The following LRRC4C variants were observed in gnomAD, a reference collection of about 807,000 sequenced individuals.
LRRC4C encodes leucine rich repeat containing 4C.
A neutral mutation model predicts 33.6 loss-of-function variants in LRRC4C; 5 were observed. That is an observed-to-expected ratio of 0.15 (90% CI 0.08 to 0.31). The LOEUF is 0.31. Ranked by LOEUF, LRRC4C falls within the 10% of genes least tolerant of loss-of-function variation. The probability of loss-of-function intolerance (pLI) is 1.00; values close to 1 mark genes in which losing one functional copy is unlikely to be tolerated. For synonymous variants in LRRC4C, 329 were observed against 302.0 expected (o/e 1.09, Z -0.93); for missense variants, 560 against 796.7 (o/e 0.70, Z 3.58).
intron 1 of LRRC4C, among the ~76,000 whole-genome samples, chr11:41,106,880 G>T (rs937482126): frequency 6.6e-6 from 1 of 151,950 alleles, no homozygotes; most frequent in Non-Finnish European, 1.5e-5. Flanking sequence ...AATAGACATG[G>T]TGGTGTTCTG....
intron 2 of LRRC4C, among the ~76,000 whole-genome samples, chr11:40,820,748 T>C (rs1951897826): frequency 6.6e-6 from 1 of 151,802 alleles, no homozygotes; most frequent in African/African-American, 2.4e-5. Flanking sequence ...ATTCTAACAT[T>C]AGAAAGAAGA....
At chr11:40,882,111 T>G (rs1295988956) in intron 2 of LRRC4C, among the ~76,000 whole-genome samples, 1 of 152,074 alleles carries the variant, frequency 6.6e-6, no homozygotes, top group African/African-American at 2.4e-5. Context: ...AAATGAGTAT[T>G]GGGAATGGCT....
chr11:41,016,035 A>G (rs188998891), intron 1 of LRRC4C, among the ~76,000 whole-genome samples: 1 of 152,246 alleles, frequency 6.6e-6, no homozygotes, highest in East Asian at 1.9e-4. Context: ...TATCAAGAAT[A>G]TGTAGCTGGA....
At chr11:40,310,115 C>G (rs1338505200) in intron 4 of LRRC4C, among the ~76,000 whole-genome samples, 1 of 152,150 alleles carries the variant, frequency 6.6e-6, no homozygotes, top group African/African-American at 2.4e-5. Context: ...CACTTCTCCA[C>G]TTATTTCCCG....
rs985597938 is a variant in LRRC4C at position 40,407,907 on chromosome 11, GATTT to G, written c.-269-88190_-269-88187del. Among the ~76,000 whole-genome samples the G allele has an allele frequency of 1.5e-3, 221 of 151,990 alleles. 1 individual carries two copies. The highest frequency in any genetic ancestry group is 5.2e-3 in the African/African-American group (216 of 41,500). On this transcript the variant is annotated intron_variant, in intron 3 of 6. Coordinates refer to ENST00000528697, the MANE Select transcript of LRRC4C (RefSeq NM_001258419.2). ...AAAGAGAATGAAAATTTTGGGGGAG[GATTT>G]ATTAAAATCACAATTTAAAATATTA...
chr11:41,401,633 A>T (rs1954029733), intron 1 of LRRC4C, among the ~76,000 whole-genome samples: 2 of 151,930 alleles, frequency 1.3e-5, no homozygotes, highest in African/African-American at 4.8e-5. Flanking sequence ...ATAATGTTTA[A>T]CCGGGAAGAG....
intron 1 of LRRC4C, among the ~76,000 whole-genome samples, chr11:41,348,070 G>A (rs1236479598): frequency 6.6e-6 from 1 of 152,104 alleles, no homozygotes; most frequent in Non-Finnish European, 1.5e-5. Flanking sequence ...CTTCCCTAAT[G>A]ACAGAACGAA....
chr11:40,376,648 A>G (rs776892820), intron 3 of LRRC4C, among the ~76,000 whole-genome samples: 5 of 152,162 alleles, frequency 3.3e-5, no homozygotes, highest in Non-Finnish European at 5.9e-5. Flanking sequence ...AAGTGAGCAG[A>G]GGAATTTGCA....
intron 3 of LRRC4C, among the ~76,000 whole-genome samples, chr11:40,504,837 C>T (rs1306459141): frequency 1.3e-5 from 2 of 152,056 alleles, no homozygotes; most frequent in African/African-American, 4.8e-5. Context: ...TGACAAGATT[C>T]GGGAATTTTC....
At chr11:40,125,898 C>T (rs1856186776) in intron 6 of LRRC4C, among the ~76,000 whole-genome samples, 1 of 152,138 alleles carries the variant, frequency 6.6e-6, no homozygotes, top group South Asian at 2.1e-4. Flanking sequence ...TTTATTTTCC[C>T]ATTTTTAACC....
chr11:40,527,167 G>A (rs1164928685), intron 3 of LRRC4C, among the ~76,000 whole-genome samples: 1 of 152,140 alleles, frequency 6.6e-6, no homozygotes, highest in Non-Finnish European at 1.5e-5. Flanking sequence ...CTAAGTATAT[G>A]AAATGTTGTG....
At chr11:40,687,447 G>A (rs1945017363) in intron 2 of LRRC4C, among the ~76,000 whole-genome samples, 1 of 151,928 alleles carries the variant, frequency 6.6e-6, no homozygotes, top group South Asian at 2.1e-4. Context: ...AGAGTGTAGT[G>A]CCTCTGATGG....
At chr11:40,674,005 C>G (rs538835779) in intron 2 of LRRC4C, among the ~76,000 whole-genome samples, 49 of 152,298 alleles carry the variant, frequency 3.2e-4, no homozygotes, top group African/African-American at 1.1e-3. Context: ...AATGCTCAGT[C>G]ATCATCTAGG....
At chr11:40,546,072 T>TTCCTA (rs1956903193) in intron 3 of LRRC4C, among the ~76,000 whole-genome samples, 2 of 116,020 alleles carry the variant, frequency 1.7e-5, no homozygotes, top group African/African-American at 8.1e-5. Flanking sequence ...CTTCCTTCCT[T>TTCCTA]CCTTCCTTCC....
chr11:40,835,639 C>T (rs1353645737), intron 2 of LRRC4C, among the ~76,000 whole-genome samples: 1 of 152,014 alleles, frequency 6.6e-6, no homozygotes, highest in Non-Finnish European at 1.5e-5. Context: ...AGGGAAATCC[C>T]AGACAATGCA....
intron 1 of LRRC4C, among the ~76,000 whole-genome samples, chr11:41,454,604 C>A (rs763994946): frequency 9.9e-5 from 15 of 152,208 alleles, no homozygotes; most frequent in Admixed American, 4.6e-4. Context: ...GAAAGATGCA[C>A]GTGACTATTG....
chr11:40,707,174 C>T lies in LRRC4C; in HGVS notation c.-406-58896G>A, dbSNP rs540460038. On this transcript the variant is annotated intron_variant, in intron 2 of 6. Coordinates refer to ENST00000528697, the MANE Select transcript of LRRC4C (RefSeq NM_001258419.2). ...TCTGCAAACAGGGACAATTTGACTT[C>T]CTCTTTTCCTAATTGAATATCCTTT... 2.6e-5 allele frequency among the ~76,000 whole-genome samples: 4 copies of T among 152,240 alleles called. No homozygotes were observed. The East Asian group carries it at 7.7e-4, about 29-fold the overall frequency.
chr11:40,291,629 G>A (rs924015362), intron 4 of LRRC4C, among the ~76,000 whole-genome samples: 13 of 152,118 alleles, frequency 8.5e-5, no homozygotes, highest in African/African-American at 2.4e-4. Context: ...AGTGATTGTG[G>A]AAAGTACAGC....
intron 2 of LRRC4C, among the ~76,000 whole-genome samples, chr11:40,811,651 C>T (rs1448570707): frequency 6.6e-6 from 1 of 152,148 alleles, no homozygotes. Context: ...GCACACACCA[C>T]CATGCCCAGC....
Sources: allele counts gnomAD v4.1 joint callset (sites outside exome capture counted in the v4.1 genomes callset), GRCh38; gene constraint gnomAD v4.1.1; transcripts MANE v1.5; gene names NCBI Gene and HGNC (gene_info 2026-07-23, HGNC 2026-07-21).